SIL1: variants seen among roughly 807,000 people sequenced by gnomAD.
SIL1 encodes the protein nucleotide exchange factor SIL1.
In SIL1, 40 loss-of-function variants were observed where a neutral mutation model predicts 49.1. That is an observed-to-expected ratio of 0.81 (90% CI 0.63 to 1.06). The LOEUF (loss-of-function observed/expected upper bound fraction) is 1.06, where lower values mean the gene tolerates loss of function less well. Among genes scored for constraint, SIL1 ranks in the 50% least tolerant of loss-of-function variants. The pLI is 0.00. For missense variants in SIL1, 500 were observed against 572.6 expected, an observed-to-expected ratio of 0.87 and a Z score of 1.29; for synonymous variants, 253 against 250.8, an observed-to-expected ratio of 1.01 and a Z score of -0.08.
intron 7 of SIL1, among the ~76,000 whole-genome samples, chr5:138,962,762 G>C (rs1244933559): frequency 6.6e-6 from 1 of 152,196 alleles, no homozygotes; most frequent in Non-Finnish European, 1.5e-5. Flanking sequence ...TCCTCTGACT[G>C]GATAGACAAA....
intron 5 of SIL1, among the ~76,000 whole-genome samples, chr5:139,041,833 A>AT (rs1164433819): frequency 6.6e-6 from 1 of 150,638 alleles, no homozygotes; most frequent in Non-Finnish European, 1.5e-5. Context: ...AAAAAAAAAA[A>AT]CAAAAAAAAG....
chr5:138,952,245 G>T (rs1486977417), intron 7 of SIL1, among the ~76,000 whole-genome samples: 4 of 152,258 alleles, frequency 2.6e-5, no homozygotes, highest in Non-Finnish European at 5.9e-5. Context: ...CGCTTCCCAA[G>T]CCAGTGCCGG....
At chr5:139,025,069 C>T (rs563084953) in intron 6 of SIL1, among the ~76,000 whole-genome samples, 4 of 152,310 alleles carry the variant, frequency 2.6e-5, no homozygotes, top group African/African-American at 9.6e-5. Flanking sequence ...ATAATTACTT[C>T]TTTCTTATGC....
At chr5:139,190,885 T>C (rs1752154627) in intron 1 of SIL1, among the ~76,000 whole-genome samples, 1 of 152,054 alleles carries the variant, frequency 6.6e-6, no homozygotes, top group Non-Finnish European at 1.5e-5. Context: ...ACTTCAAGAA[T>C]ACAGTCAAAC....
chr5:139,176,876 C>G (rs1348548107), intron 1 of SIL1, among the ~76,000 whole-genome samples: 1 of 148,576 alleles, frequency 6.7e-6, no homozygotes, highest in Non-Finnish European at 1.5e-5. Flanking sequence ...GGCAGGAAAG[C>G]AAAGTAAATA....
chr5:139,082,697 T>G (rs1258209756), intron 3 of SIL1, among the ~76,000 whole-genome samples: 2 of 152,228 alleles, frequency 1.3e-5, no homozygotes, highest in Non-Finnish European at 2.9e-5. Context: ...CTTGGTGTCT[T>G]GATGAACTGC....
At chr5:139,085,702 G>A (rs1259525677) in intron 3 of SIL1, among the ~76,000 whole-genome samples, 1 of 152,188 alleles carries the variant, frequency 6.6e-6, no homozygotes, top group Non-Finnish European at 1.5e-5. Context: ...TTAGAAGACT[G>A]TGGAGCATGA....
chr5:139,036,870 TA>T (rs1411462055), intron 5 of SIL1, among the ~76,000 whole-genome samples: 1 of 152,090 alleles, frequency 6.6e-6, no homozygotes, highest in African/African-American at 2.4e-5. Context: ...AAATAAATAA[TA>T]AAAACTCAAG....
At chr5:139,179,261 G>C (rs1237273035) in intron 1 of SIL1, among the ~76,000 whole-genome samples, 2 of 152,180 alleles carry the variant, frequency 1.3e-5, no homozygotes, top group Non-Finnish European at 2.9e-5. Flanking sequence ...AGGGCAGACA[G>C]TGCCCCCCGA....
At chr5:138,991,148 G>C (rs1767750974) in intron 7 of SIL1, among the ~76,000 whole-genome samples, 1 of 152,240 alleles carries the variant, frequency 6.6e-6, no homozygotes, top group African/African-American at 2.4e-5. Context: ...AGGAAGGCCT[G>C]AGACATTCTG....
rs953585410 is a variant in SIL1 at position 138,978,475 on chromosome 5, G to A, written c.768-26591C>T. ...CTTGGGTTGTTTCCACTTTTTGGCT[G>A]TTATGAATATTGAGGCTATGCACAT... On this transcript the variant is annotated intron_variant, in intron 7 of 9. Coordinates refer to ENST00000394817, the MANE Select transcript of SIL1 (RefSeq NM_022464.5). Among the ~76,000 whole-genome samples the A allele has an allele frequency of 5.9e-5, 9 of 152,150 alleles. No individual in the cohort carries two copies. The South Asian group carries it at 6.2e-4, about 10-fold the overall frequency.
chr5:139,184,939 G>T (rs1752052500), intron 1 of SIL1, among the ~76,000 whole-genome samples: 1 of 152,266 alleles, frequency 6.6e-6, no homozygotes, highest in Admixed American at 6.5e-5. Flanking sequence ...AAAATTTGAA[G>T]AGAAGACCAC....
At chr5:139,128,421 C>T (rs139527940) in intron 1 of SIL1, among the ~76,000 whole-genome samples, 21 of 152,222 alleles carry the variant, frequency 1.4e-4, no homozygotes, top group Non-Finnish European at 2.4e-4. Context: ...GGGAGGATCA[C>T]TTGAGGCCAG....
chr5:138,949,057 C>A (rs1443315094), intron 9 of SIL1, among the ~76,000 whole-genome samples: 1 of 152,246 alleles, frequency 6.6e-6, no homozygotes, highest in African/African-American at 2.4e-5. Flanking sequence ...AGACAGACTA[C>A]AACACAAGCT....
chr5:139,041,759 G>A (rs570154411), intron 5 of SIL1, among the ~76,000 whole-genome samples: 133 of 149,970 alleles, frequency 8.9e-4, no homozygotes, highest in Middle Eastern at 3.4e-3. Context: ...AGCCAAGATC[G>A]TACCACCGCA....
At chr5:139,078,365 T>TTTAAAAATTC (rs1485227869) in intron 3 of SIL1, among the ~76,000 whole-genome samples, 98 of 152,260 alleles carry the variant, frequency 6.4e-4, no homozygotes, top group African/African-American at 2.0e-3. Flanking sequence ...CATTCCAGGT[T>TTTAAAAATTC]TCAAAGGAAT....
intron 3 of SIL1, among the ~76,000 whole-genome samples, chr5:139,074,709 T>TG (rs1769906713): frequency 6.6e-6 from 1 of 152,218 alleles, no homozygotes; most frequent in Non-Finnish European, 1.5e-5. Flanking sequence ...GCTCCCACAT[T>TG]GGCCGTAGTT....
intron 3 of SIL1, among the ~76,000 whole-genome samples, chr5:139,056,986 T>C (rs2150460863): frequency 6.6e-6 from 1 of 152,276 alleles, no homozygotes; most frequent in East Asian, 1.9e-4. Context: ...AAAATTCTTC[T>C]GCCTTGGGAT....
chr5:139,127,041 C>T (rs750824283), intron 2 of SIL1, among the ~76,000 whole-genome samples: 6 of 152,166 alleles, frequency 3.9e-5, no homozygotes, highest in Non-Finnish European at 8.8e-5. Context: ...GGCCAGGAAC[C>T]GTAGTGTGCT....
Sources: gnomAD v4.1 joint callset for allele counts (sites outside exome capture counted in the v4.1 genomes callset) on GRCh38, gnomAD v4.1.1 for gene constraint, MANE v1.5 for transcripts, NCBI Gene and HGNC (gene_info 2026-07-23, HGNC 2026-07-21) for gene names.